The following PRKACB variants were observed in gnomAD, a reference collection of about 807,000 sequenced individuals.
The protein encoded by PRKACB is cAMP-dependent protein kinase catalytic subunit beta.
PRKACB carries 16 observed loss-of-function variants against 51.4 expected under a neutral mutation model. That is an observed-to-expected ratio of 0.31 (90% CI 0.21 to 0.47). The LOEUF (loss-of-function observed/expected upper bound fraction) is 0.47, where lower values mean the gene tolerates loss of function less well. PRKACB is among the 20% of genes least tolerant of loss of function. The pLI, the probability that PRKACB is intolerant of heterozygous loss-of-function variation, is 1.00. For missense variants in PRKACB, 309 were observed against 464.5 expected (o/e 0.67, Z 3.08); for synonymous variants, 147 against 154.4 (o/e 0.95, Z 0.35).
chr1:84,186,679 A>G (rs1170585183), intron 5 of PRKACB, among the ~76,000 whole-genome samples: 20 of 152,108 alleles, frequency 1.3e-4, no homozygotes. Context: ...CTTGTCAACC[A>G]TCTTGAAGTT....
intron 1 of PRKACB, among the ~76,000 whole-genome samples, chr1:84,162,562 T>C (rs1327607185): frequency 6.6e-6 from 1 of 152,098 alleles, no homozygotes; most frequent in East Asian, 1.9e-4. Flanking sequence ...CTTTTAAATC[T>C]GCTGTTGGGC....
intron 1 of PRKACB, among the ~76,000 whole-genome samples, chr1:84,100,422 T>G (rs1310966783): frequency 6.6e-6 from 1 of 152,142 alleles, no homozygotes; most frequent in African/African-American, 2.4e-5. Flanking sequence ...GATATAAAAG[T>G]GAATGGGGAC....
intron 1 of PRKACB, among the ~76,000 whole-genome samples, chr1:84,175,350 TAGA>T (rs940472316): frequency 2.0e-5 from 3 of 151,678 alleles, no homozygotes; most frequent in Admixed American, 6.6e-5. Context: ...GATAAATAAG[TAGA>T]AGAAAGATTT....
intron 1 of PRKACB, among the ~76,000 whole-genome samples, chr1:84,102,964 G>T (rs1177711594): frequency 1.3e-5 from 2 of 152,034 alleles, no homozygotes; most frequent in African/African-American, 4.8e-5. Flanking sequence ...TCGTGTATTG[G>T]GCAGATAACT....
chr1:84,229,186 G>C (rs1572578414), intron 9 of PRKACB, among the ~76,000 whole-genome samples: 1 of 146,206 alleles, frequency 6.8e-6, no homozygotes, highest in East Asian at 2.0e-4. Flanking sequence ...GCAGTGTTTG[G>C]TTTTTTGTTC....
At chr1:84,099,405 GT>G (rs1326030542) in intron 1 of PRKACB, among the ~76,000 whole-genome samples, 1 of 151,978 alleles carries the variant, frequency 6.6e-6, no homozygotes, top group Non-Finnish European at 1.5e-5. Flanking sequence ...ACATATTTCA[GT>G]TTAAATATGT....
intron 1 of PRKACB, among the ~76,000 whole-genome samples, chr1:84,148,907 G>A (rs2100627093): frequency 6.6e-6 from 1 of 152,260 alleles, no homozygotes; most frequent in Non-Finnish European, 1.5e-5. Flanking sequence ...ATATGACAGA[G>A]TTAGAAGACA....
At chr1:84,167,629 G>T (rs982713356) in intron 1 of PRKACB, among the ~76,000 whole-genome samples, 1 of 151,476 alleles carries the variant, frequency 6.6e-6, no homozygotes, top group Non-Finnish European at 1.5e-5. Flanking sequence ...CTTATTCATT[G>T]TATGTTTCTA....
chr1:84,206,528 C>T (rs1202199963), intron 8 of PRKACB, among the ~76,000 whole-genome samples: 1 of 152,066 alleles, frequency 6.6e-6, no homozygotes, highest in African/African-American at 2.4e-5. Flanking sequence ...TTCAAGAGTC[C>T]TCTCCCAGGG....
At chr1:84,181,733 C>G in intron 2 of PRKACB, 1 of 1,505,546 alleles carries the variant, frequency 6.6e-7, no homozygotes, top group Non-Finnish European at 8.9e-7. Flanking sequence ...TCACAGGTAA[C>G]TTTAGTGAAA....
chr1:84,173,393 T>C (rs557923832), intron 1 of PRKACB: 122 of 1,486,612 alleles, frequency 8.2e-5, no homozygotes, highest in Non-Finnish European at 1.1e-4. Context: ...TCTGTTACTT[T>C]GATTATCGTA....
At chr1:84,183,889 T>A (rs1440599297) in intron 3 of PRKACB, 148 bp from the exon 4 acceptor site, 1 of 818,134 alleles carries the variant, frequency 1.2e-6, no homozygotes, top group Non-Finnish European at 1.7e-6. Context: ...TGCACCAACC[T>A]AAAAGTTGGT....
intron 1 of PRKACB, among the ~76,000 whole-genome samples, chr1:84,146,634 T>G (rs1352562479): frequency 6.6e-6 from 1 of 151,974 alleles, no homozygotes; most frequent in Non-Finnish European, 1.5e-5. Flanking sequence ...TGATAAACAC[T>G]GAATATGTTT....
intron 1 of PRKACB, among the ~76,000 whole-genome samples, chr1:84,129,372 C>T (rs1209566921): frequency 6.6e-6 from 1 of 151,900 alleles, no homozygotes; most frequent in African/African-American, 2.4e-5. Flanking sequence ...AAGAGTGAAT[C>T]AATTTCATAT....
chr1:84,110,581 T>C (rs1343056361), intron 1 of PRKACB, among the ~76,000 whole-genome samples: 1 of 151,950 alleles, frequency 6.6e-6, no homozygotes, highest in Non-Finnish European at 1.5e-5. Flanking sequence ...GAGGCTGATA[T>C]CTATTCCTTC....
chr1:84,123,762 T>G (rs1202693459), intron 1 of PRKACB, among the ~76,000 whole-genome samples: 1 of 152,148 alleles, frequency 6.6e-6, no homozygotes, highest in Non-Finnish European at 1.5e-5. Context: ...CTTTATTTAC[T>G]TCATGTGAAA....
chr1:84,182,088 A>G (rs375692509), intron 2 of PRKACB, 112 bp from the exon 3 acceptor site: 1 of 812,708 alleles, frequency 1.2e-6, no homozygotes, highest in Non-Finnish European at 1.7e-6. Context: ...TTGCATTTAA[A>G]TGGATAGTTA....
chr1:84,186,768 G>T (rs75265671), intron 5 of PRKACB, among the ~76,000 whole-genome samples: 1 of 152,018 alleles, frequency 6.6e-6, no homozygotes, highest in South Asian at 2.1e-4. Flanking sequence ...TTATCTGTTG[G>T]GGGGTGTCTA....
intron 8 of PRKACB, among the ~76,000 whole-genome samples, chr1:84,203,578 G>T (rs1044175662): frequency 6.6e-6 from 1 of 151,926 alleles, no homozygotes; most frequent in East Asian, 1.9e-4. Context: ...AGCAATGAAA[G>T]AATAGGCTTT....
Sources: allele counts gnomAD v4.1 joint callset (sites outside exome capture counted in the v4.1 genomes callset), GRCh38; gene constraint gnomAD v4.1.1; transcripts MANE v1.5; gene names NCBI Gene and HGNC (gene_info 2026-07-23, HGNC 2026-07-21).